FAM227B: variants seen among roughly 807,000 people sequenced by gnomAD.
The protein encoded by FAM227B is protein FAM227B.
A neutral mutation model predicts 73.8 loss-of-function variants in FAM227B; 88 were observed. The observed-to-expected ratio is 1.19, with a 90% confidence interval of 1.00 to 1.42. The LOEUF is 1.42. Among genes scored for constraint, FAM227B ranks in the 40% most tolerant of loss-of-function variants. The pLI, the probability that FAM227B is intolerant of heterozygous loss-of-function variation, is 0.00. For missense variants in FAM227B, 632 were observed against 590.9 expected (o/e 1.07, Z -0.72); for synonymous variants, 210 against 190.5 (o/e 1.10, Z -0.84).
chr15:49,329,381 G>A (rs1033854389), intron 15 of FAM227B: 7 of 985,200 alleles, frequency 7.1e-6, no homozygotes, highest in Non-Finnish European at 8.4e-6. Flanking sequence ...AGGTAATTGA[G>A]ATAGCAATGG....
intron 13 of FAM227B, among the ~76,000 whole-genome samples, chr15:49,361,780 T>G (rs1227122393): frequency 6.6e-6 from 1 of 152,194 alleles, no homozygotes; most frequent in East Asian, 1.9e-4. Flanking sequence ...TATTGCTGAG[T>G]TGAATGGTAA....
At chr15:49,551,205 AG>A (rs1284456203) in intron 9 of FAM227B, among the ~76,000 whole-genome samples, 3 of 152,064 alleles carry the variant, frequency 2.0e-5, no homozygotes, top group Admixed American at 6.6e-5. Flanking sequence ...TCAGGCAGGG[AG>A]GTTGCAGTGG....
chr15:49,514,171 T>C lies in FAM227B; in HGVS notation c.875-5823A>G, dbSNP rs1379833347. 2.0e-5 allele frequency among the ~76,000 whole-genome samples: 3 copies of C among 152,202 alleles called. No individual in the cohort carries two copies. In the East Asian group the frequency reaches 5.8e-4, roughly 29 times the overall value. ...AGTTTGATGGAAATAGAATTACATT[T>C]ATAAATTACTTTGGGCAGTATGGCC... is the stretch of plus-strand genomic sequence containing the variant. On this transcript the variant is annotated intron_variant, in intron 10 of 15. Transcript: ENST00000299338.
chr15:49,459,792 G>A (rs1013673932), intron 11 of FAM227B, among the ~76,000 whole-genome samples: 15 of 151,980 alleles, frequency 9.9e-5, no homozygotes, highest in African/African-American at 2.7e-4. Flanking sequence ...GGCTCATCCC[G>A]GCTCCTGTGT....
chr15:49,523,820 T>G (rs185261210), intron 10 of FAM227B, among the ~76,000 whole-genome samples: 6 of 152,332 alleles, frequency 3.9e-5, no homozygotes, highest in African/African-American at 1.4e-4. Flanking sequence ...TGTTGGAAAC[T>G]GGAGCAAAGG....
intron 11 of FAM227B, among the ~76,000 whole-genome samples, chr15:49,414,270 T>C (rs6493369): frequency 0.78 from 118,011 of 152,044 alleles, 46,591 homozygotes; most frequent in African/African-American, 0.9. Flanking sequence ...ACTCTTGGGT[T>C]CCTCATGCAG....
chr15:49,397,652 G>A (rs2047787352), intron 11 of FAM227B, among the ~76,000 whole-genome samples: 1 of 152,148 alleles, frequency 6.6e-6, no homozygotes, highest in Admixed American at 6.5e-5. Flanking sequence ...CGGATCTCTT[G>A]GCAGAAACCC....
At chr15:49,491,569 A>T (rs1379147862) in intron 11 of FAM227B, among the ~76,000 whole-genome samples, 3 of 151,828 alleles carry the variant, frequency 2.0e-5, no homozygotes, top group African/African-American at 7.2e-5. Flanking sequence ...TCCTACTGTC[A>T]ATCAATCCAT....
At chr15:49,397,511 C>A (rs2047773506) in intron 11 of FAM227B, among the ~76,000 whole-genome samples, 1 of 151,874 alleles carries the variant, frequency 6.6e-6, no homozygotes. Flanking sequence ...CACAAAGATA[C>A]TCCTCGAGAA....
At chr15:49,346,205 CA>C (rs1208023548) in intron 13 of FAM227B, among the ~76,000 whole-genome samples, 1 of 152,190 alleles carries the variant, frequency 6.6e-6, no homozygotes, top group Non-Finnish European at 1.5e-5. Context: ...CTGTCCAATT[CA>C]AACTGGTTGA....
At chr15:49,550,293 C>T (rs1197720124) in intron 9 of FAM227B, among the ~76,000 whole-genome samples, 4 of 139,466 alleles carry the variant, frequency 2.9e-5, no homozygotes, top group African/African-American at 5.4e-5. Context: ...CGGGCAGAGG[C>T]GCCCCTCACC....
intron 13 of FAM227B, among the ~76,000 whole-genome samples, chr15:49,335,760 C>A (rs2039597545): frequency 6.6e-6 from 1 of 152,232 alleles, no homozygotes; most frequent in Middle Eastern, 3.4e-3. Flanking sequence ...CTGTAATTAC[C>A]TTTTGTATGT....
intron 11 of FAM227B, among the ~76,000 whole-genome samples, chr15:49,389,733 G>C (rs919652993): frequency 1.3e-5 from 2 of 151,956 alleles, no homozygotes; most frequent in African/African-American, 4.8e-5. Flanking sequence ...TAAAAGCTTT[G>C]TTGAGAGAAT....
intron 9 of FAM227B, among the ~76,000 whole-genome samples, chr15:49,557,187 T>C (rs1025821752): frequency 6.6e-6 from 1 of 152,218 alleles, no homozygotes; most frequent in African/African-American, 2.4e-5. Context: ...ATATTCCTTC[T>C]GGCTGCATCT....
chr15:49,407,154 GCCAAACCCTCTGGGCT>G (rs2048570107), intron 11 of FAM227B, among the ~76,000 whole-genome samples: 1 of 152,158 alleles, frequency 6.6e-6, no homozygotes, highest in African/African-American at 2.4e-5. Flanking sequence ...ATGCTCTCAT[GCCAAACCCTCTGGGCT>G]CCACATCAGC....
intron 5 of FAM227B, among the ~76,000 whole-genome samples, chr15:49,585,900 G>A (rs1224968652): frequency 2.6e-5 from 4 of 151,906 alleles, no homozygotes; most frequent in Admixed American, 1.3e-4. Flanking sequence ...ATGGAAAAAC[G>A]TTCCATGCTC....
intron 13 of FAM227B, chr15:49,366,279 G>A (rs994239996): frequency 2.5e-6 from 2 of 787,038 alleles, no homozygotes; most frequent in Non-Finnish European, 4.7e-6. Context: ...AATGCAATCA[G>A]TATTTTCACA....
At chr15:49,403,169 G>C (rs529164323) in intron 11 of FAM227B, among the ~76,000 whole-genome samples, 3 of 152,134 alleles carry the variant, frequency 2.0e-5, no homozygotes, top group Non-Finnish European at 4.4e-5. Context: ...TGTGCTGCTC[G>C]ATTTAGTTTG....
At chr15:49,397,177 G>A (rs1025462094) in intron 11 of FAM227B, among the ~76,000 whole-genome samples, 1 of 152,138 alleles carries the variant, frequency 6.6e-6, no homozygotes, top group Admixed American at 6.5e-5. Context: ...TGAACACCAA[G>A]GCTTGAGAAC....
Sources: gnomAD v4.1 joint callset for allele counts (sites outside exome capture counted in the v4.1 genomes callset) on GRCh38, gnomAD v4.1.1 for gene constraint, MANE v1.5 for transcripts, NCBI Gene and HGNC (gene_info 2026-07-23, HGNC 2026-07-21) for gene names.